Variants in CDK17 observed in about 807,000 individuals in gnomAD.
The protein encoded by CDK17 is cyclin dependent kinase 17.
CDK17 carries 24 observed loss-of-function variants against 77.6 expected under a neutral mutation model. The observed-to-expected ratio is 0.31, with a 90% CI of 0.22 to 0.44. The LOEUF is 0.44. Ranked by LOEUF, CDK17 falls within the 20% of genes least tolerant of loss-of-function variation. CDK17 has a pLI of 1.00. For missense variants in CDK17, 429 were observed against 622.5 expected, an observed-to-expected ratio of 0.69 and a Z score of 3.31; for synonymous variants, 203 against 210.4, an observed-to-expected ratio of 0.96 and a Z score of 0.30.
chr12:96,286,051 G>T lies in CDK17; in HGVS notation c.1314C>A (p.His438Gln). ...PKYKPQPLIN[H>Q]APRLDSEGIE... ...ATAAGAAAAAAAAATACCTGGGTGC[G>T]TGGTTAATTAGAGGCTGTGGTTTAT... Residue 438 changes from histidine to glutamine, a missense_variant, in exon 13 of 17, where the codon CAC becomes CAA. Coordinates refer to ENST00000261211, the MANE Select transcript of CDK17 (RefSeq NM_002595.5). 2 of 1,544,658 alleles carry T rather than the reference G, an allele frequency of 1.3e-6. No individual in the cohort carries two copies. Among genetic ancestry groups the T allele is most frequent in the African/African-American group, 1.4e-5 (1 of 72,120 alleles).
At chr12:96,349,754 T>C (rs1438693900) in intron 1 of CDK17, among the ~76,000 whole-genome samples, 2 of 152,144 alleles carry the variant, frequency 1.3e-5, no homozygotes, top group Admixed American at 6.5e-5. Context: ...AATACCGTGC[T>C]GGAAGTTCTA....
chr12:96,348,952 C>A (rs988910512), intron 1 of CDK17, among the ~76,000 whole-genome samples: 15 of 152,122 alleles, frequency 9.9e-5, no homozygotes, highest in African/African-American at 3.6e-4. Flanking sequence ...TCTATAAGGC[C>A]AACATTACCC....
At chr12:96,344,445 G>T (rs12814360) in intron 1 of CDK17, among the ~76,000 whole-genome samples, 18,482 of 152,164 alleles carry the variant, frequency 0.12, 1,914 homozygotes, top group African/African-American at 0.28. Flanking sequence ...CTTGAAAGCA[G>T]CAAGAGAAAA....
intron 1 of CDK17, among the ~76,000 whole-genome samples, chr12:96,340,081 T>C (rs1284242941): frequency 6.6e-6 from 1 of 152,040 alleles, no homozygotes; most frequent in Non-Finnish European, 1.5e-5. Flanking sequence ...ATTACATTTC[T>C]ACTGGACAAT....
intron 1 of CDK17, chr12:96,335,274 T>C (rs1592735698): frequency 3.3e-6 from 1 of 299,050 alleles, no homozygotes; most frequent in Non-Finnish European, 6.4e-6. Flanking sequence ...GGGAGGCGGG[T>C]GAGGTAATGG....
chr12:96,351,491 C>T (rs1377583963), intron 1 of CDK17, among the ~76,000 whole-genome samples: 1 of 152,082 alleles, frequency 6.6e-6, no homozygotes, highest in African/African-American at 2.4e-5. Flanking sequence ...ACATATGCTA[C>T]AACACAGATG....
chr12:96,309,497 A>G (rs1207940591), intron 5 of CDK17, among the ~76,000 whole-genome samples: 1 of 152,230 alleles, frequency 6.6e-6, no homozygotes, highest in African/African-American at 2.4e-5. Flanking sequence ...ATACTGCAAT[A>G]AGAAAAGTTA....
intron 1 of CDK17, among the ~76,000 whole-genome samples, chr12:96,364,512 C>T (rs1220908924): frequency 6.6e-6 from 1 of 152,154 alleles, no homozygotes; most frequent in Non-Finnish European, 1.5e-5. Flanking sequence ...CTTTTCATGT[C>T]CTTCCCCCTA....
chr12:96,353,468 G>C (rs1252720361), intron 1 of CDK17, among the ~76,000 whole-genome samples: 1 of 152,036 alleles, frequency 6.6e-6, no homozygotes. Context: ...ATTCTTAAGT[G>C]AAACTGTTTC....
intron 5 of CDK17, among the ~76,000 whole-genome samples, chr12:96,302,736 G>C (rs1952525340): frequency 6.6e-6 from 1 of 152,020 alleles, no homozygotes; most frequent in Non-Finnish European, 1.5e-5. Context: ...AAATACACTA[G>C]GGTCCAATGG....
chr12:96,291,628 C>CTTTTTTTT (rs1164677307), intron 10 of CDK17, among the ~76,000 whole-genome samples: 3 of 117,776 alleles, frequency 2.5e-5, no homozygotes, highest in Admixed American at 9.2e-5. Context: ...ATTCCTTTTG[C>CTTTTTTTT]TTTTTTTTTT....
At chr12:96,329,767 T>G (rs767619288) in intron 2 of CDK17, among the ~76,000 whole-genome samples, 10 of 152,158 alleles carry the variant, frequency 6.6e-5, no homozygotes, top group Non-Finnish European at 1.3e-4. Context: ...AGCTAACATG[T>G]AAGAGATCAG....
intron 5 of CDK17, chr12:96,303,112 T>C (rs1204249347): frequency 2.0e-5 from 3 of 152,144 alleles, no homozygotes; most frequent in African/African-American, 7.2e-5. Flanking sequence ...AGATTAACAA[T>C]AGATATAATG....
intron 6 of CDK17, among the ~76,000 whole-genome samples, chr12:96,300,090 TA>T (rs917858030): frequency 1.4e-4 from 21 of 152,154 alleles, no homozygotes; most frequent in Admixed American, 2.6e-4. Context: ...TTCAAAGCTA[TA>T]AAAAAAATTC....
At position 96,311,082 on chromosome 12, in the gene CDK17, TG is replaced by T; in HGVS notation, c.512del (p.Pro171GlnfsTer2). 6.2e-7 allele frequency: 1 copy of T among 1,603,660 alleles called. No individual in the cohort carries two copies. Among genetic ancestry groups the T allele is most frequent in the Non-Finnish European group, 8.5e-7 (1 of 1,177,002 alleles). On this transcript the variant is annotated frameshift_variant, in exon 5 of 17. Transcript: ENST00000261211. LOFTEE classifies it high-confidence loss of function. ...AAGCTCTACGAGACCTTCGACTCAT[TG>T]GTTGGTCAAATGGTGGACTGTTTAT... ...LQINSPPFDQ[P>X]MSRRSRRASL...
chr12:96,348,270 T>C (rs1178174411), intron 1 of CDK17, among the ~76,000 whole-genome samples: 2 of 151,836 alleles, frequency 1.3e-5, no homozygotes, highest in Non-Finnish European at 2.9e-5. Flanking sequence ...ATCAACAAAA[T>C]AGGCTGGGCA....
chr12:96,370,021 G>A (rs569728338), intron 1 of CDK17, among the ~76,000 whole-genome samples: 14 of 152,262 alleles, frequency 9.2e-5, no homozygotes, highest in African/African-American at 3.1e-4. Flanking sequence ...CTAAGAAGCC[G>A]CGAGTGTAAG....
chr12:96,298,809 T>C (rs183572544), intron 7 of CDK17, 60 bp downstream of exon 7: 6 of 909,374 alleles, frequency 6.6e-6, no homozygotes, highest in Non-Finnish European at 1.0e-5. Context: ...TTTTTACTTA[T>C]AAAAAATAGA....
At chr12:96,333,308 C>A (rs10745756) in intron 2 of CDK17, among the ~76,000 whole-genome samples, 152,184 of 152,184 alleles carry the variant, frequency 1, 76,092 homozygotes, top group Non-Finnish European at 1. Flanking sequence ...ACATATAATT[C>A]TATCCAAATT....
Sources: allele counts gnomAD v4.1 joint callset (sites outside exome capture counted in the v4.1 genomes callset), GRCh38; gene constraint gnomAD v4.1.1; transcripts MANE v1.5; gene names NCBI Gene and HGNC (gene_info 2026-07-23, HGNC 2026-07-21).